The following UBE4B variants were observed in gnomAD, a reference collection of about 807,000 sequenced individuals.
UBE4B encodes the protein ubiquitin conjugation factor E4 B.
Under a neutral mutation model 148.1 loss-of-function variants are expected in UBE4B, and 27 were observed. The observed-to-expected ratio is 0.18, with a 90% CI of 0.13 to 0.25. The LOEUF (loss-of-function observed/expected upper bound fraction) is 0.25. Ranked by LOEUF, UBE4B falls within the 10% of genes least tolerant of loss-of-function variation. The probability of loss-of-function intolerance (pLI) is 1.00; values close to 1 mark genes in which losing one functional copy is unlikely to be tolerated. For missense variants in UBE4B, 1,170 were observed against 1,662.4 expected (o/e 0.70, Z 5.15); for synonymous variants, 596 against 619.3 (o/e 0.96, Z 0.56).
intron 26 of UBE4B, chr1:10,179,131 C>T (rs1646468919): frequency 8.3e-6 from 4 of 483,092 alleles, no homozygotes; most frequent in Non-Finnish European, 1.4e-5. Context: ...TTCCAGCCTG[C>T]CGTCCTCGCC....
chr1:10,090,265 G>A (rs1049438688), intron 2 of UBE4B, among the ~76,000 whole-genome samples: 3 of 152,146 alleles, frequency 2.0e-5, no homozygotes, highest in East Asian at 1.9e-4. Flanking sequence ...GACTACAGGC[G>A]CATACCATCA....
intron 2 of UBE4B, among the ~76,000 whole-genome samples, chr1:10,076,309 A>C (rs935173448): frequency 3.4e-5 from 5 of 145,278 alleles, no homozygotes; most frequent in Admixed American, 1.4e-4. Context: ...CAATGACGTG[A>C]TCTTGGCTCA....
chr1:10,135,007 C>G lies in UBE4B; in HGVS notation c.2045C>G (p.Ser682Cys), dbSNP rs1304982545. 6.2e-7 allele frequency: 1 copy of G among 1,614,060 alleles called. No homozygotes were observed. Residue 682 changes from serine to cysteine, a missense_variant, in exon 16 of 28, where the codon TCT becomes TGT. Ser to Cys is a moderately radical substitution (Grantham distance 112). Coordinates refer to ENST00000343090, the MANE Select transcript of UBE4B (RefSeq NM_001105562.3). ...AQMQTDDRLV[S>C]TDGFMLNFLW... The stretch of plus-strand genomic sequence containing the variant: ...TCACAGACAGATGATAGATTGGTGT[C>G]TACAGATGGATTTATGCTGAATTTC...
At chr1:10,050,406 C>T (rs1481731566) in intron 1 of UBE4B, among the ~76,000 whole-genome samples, 1 of 152,106 alleles carries the variant, frequency 6.6e-6, no homozygotes, top group Non-Finnish European at 1.5e-5. Context: ...TCAGGCATAG[C>T]CAAATGTGTG....
intron 1 of UBE4B, 117 bp downstream of exon 1, chr1:10,033,811 A>G (rs1643396533): frequency 1.8e-6 from 2 of 1,134,858 alleles, no homozygotes; most frequent in South Asian, 2.4e-5. Context: ...AACGGAGATG[A>G]TATTTTCCAA....
chr1:10,134,614 A>T (rs1449016348), intron 15 of UBE4B, among the ~76,000 whole-genome samples: 1 of 152,214 alleles, frequency 6.6e-6, no homozygotes, highest in Admixed American at 6.5e-5. Flanking sequence ...CTAATATAGA[A>T]TTAATGGAAT....
intron 10 of UBE4B, among the ~76,000 whole-genome samples, chr1:10,124,204 C>A (rs1157990999): frequency 6.6e-6 from 1 of 151,970 alleles, no homozygotes; most frequent in Non-Finnish European, 1.5e-5. Flanking sequence ...CTCTGTTACC[C>A]AGGCTGGAGT....
chr1:10,041,300 A>G, intron 1 of UBE4B, among the ~76,000 whole-genome samples: 1 of 83,196 alleles, frequency 1.2e-5, no homozygotes, highest in African/African-American at 1.5e-4. Context: ...CTAAAACAAG[A>G]CTTAACCTCA....
intron 25 of UBE4B, among the ~76,000 whole-genome samples, 159 bp downstream of exon 25, chr1:10,171,488 G>T (rs542892969): frequency 6.6e-6 from 1 of 152,220 alleles, no homozygotes; most frequent in Non-Finnish European, 1.5e-5. Context: ...GCTCAGGCCT[G>T]TAATCCCAAC....
intron 1 of UBE4B, among the ~76,000 whole-genome samples, chr1:10,047,561 C>T (rs1033475777): frequency 4.9e-5 from 7 of 142,956 alleles, no homozygotes; most frequent in East Asian, 2.1e-4. Flanking sequence ...GGCGTGATCT[C>T]GGCTCACCGC....
chr1:10,157,146 C>T (rs1646086602), intron 21 of UBE4B, among the ~76,000 whole-genome samples: 1 of 152,118 alleles, frequency 6.6e-6, no homozygotes, highest in African/African-American at 2.4e-5. Context: ...TCCTGAGTAG[C>T]TGGAATTATG....
chr1:10,090,793 T>TTGTGTGTGTG (rs57486350), intron 2 of UBE4B, among the ~76,000 whole-genome samples: 2,215 of 141,468 alleles, frequency 0.016, 37 homozygotes, highest in Middle Eastern at 0.049. Context: ...GCCTATGCAT[T>TTGTGTGTGTG]TGTGTGTGTG....
intron 27 of UBE4B, 100 bp from the exon 28 acceptor site, chr1:10,179,794 AG>A: frequency 6.7e-7 from 1 of 1,489,528 alleles, no homozygotes; most frequent in Admixed American, 1.8e-5. Flanking sequence ...AATGAGGGAA[AG>A]AATGGCCTTT....
In UBE4B at chr1:10,129,113, T is replaced by C. The variant is rs531866812; in HGVS notation, c.1639-279T>C. The C allele has an allele frequency of 5.6e-4, 210 of 372,308 alleles. 1 individual carries two copies. The highest frequency in any genetic ancestry group is 3.8e-3 in the African/African-American group (194 of 50,628). The allele number at this position is 372,308 out of a possible 1,614,324, so 23.1% of individuals were successfully genotyped here. A position where few individuals can be genotyped will look rare whatever the true frequency, so the allele number is the denominator to read the frequency against. ...AGTACACAAAAATATATCTGAAAAC[T>C]GTTGCTCAAAATATCAATAGAGGTT... On this transcript the variant is annotated intron_variant, in intron 11 of 27. Transcript: ENST00000343090.
rs779485676 is a variant in UBE4B, at chr1:10,135,176, G to T, written c.2214G>T (p.Leu738=). The change falls in exon 16 of 28, where the codon CTG becomes CTT. Residue 738 remains leucine (L), a synonymous_variant. Transcript: ENST00000343090. ...NATMEDVNDW[L]TELYGDQPPF... is the part of the protein sequence containing the mutation. The stretch of plus-strand genomic sequence containing the variant: ...CGATGGAAGATGTGAATGACTGGCT[G>T]ACTGAACTCTGTGAGTACTGTGTTC... 1 of 1,613,380 alleles carries T rather than the reference G, an allele frequency of 6.2e-7. No individual in the cohort carries two copies. The highest frequency in any genetic ancestry group is 8.5e-7 in the Non-Finnish European group (1 of 1,179,644).
intron 2 of UBE4B, among the ~76,000 whole-genome samples, chr1:10,089,970 C>T (rs1386576523): frequency 1.3e-5 from 2 of 152,160 alleles, no homozygotes; most frequent in African/African-American, 2.4e-5. Context: ...GCTGGGATTA[C>T]AGGCATGAGC....
In UBE4B at chr1:10,135,089, G is replaced by T. The variant is rs776093046; in HGVS notation, c.2127G>T (p.Thr709=). 6.2e-7 allele frequency: 1 copy of T among 1,614,038 alleles called. No homozygotes were observed. Among genetic ancestry groups the T allele is most frequent in the South Asian group, 1.1e-5 (1 of 91,078 alleles). ...TCAAGTTAGAAACAGTTGATCCCAC[G>T]TATATTTTTCACCCAAGATGTCGGA... ...TKIKLETVDP[T]YIFHPRCRIT... is the part of the protein sequence containing the mutation. The change falls in exon 16 of 28, where the codon ACG becomes ACT. Residue 709 remains threonine, a synonymous_variant. Transcript: ENST00000343090.
intron 1 of UBE4B, among the ~76,000 whole-genome samples, chr1:10,041,626 T>C (rs1430050818): frequency 6.6e-6 from 1 of 151,860 alleles, no homozygotes; most frequent in Non-Finnish European, 1.5e-5. Flanking sequence ...TGAACGACTG[T>C]GCCCGGCCAC....
At chr1:10,072,336 C>G in intron 2 of UBE4B, 122 bp downstream of exon 2, 4 of 1,187,420 alleles carry the variant, frequency 3.4e-6, no homozygotes, top group Non-Finnish European at 4.7e-6. Context: ...TTAAAATCCT[C>G]CAAGCAGTAG....
Sources: allele counts gnomAD v4.1 joint callset (sites outside exome capture counted in the v4.1 genomes callset), GRCh38; gene constraint gnomAD v4.1.1; transcripts MANE v1.5; gene names NCBI Gene and HGNC (gene_info 2026-07-23, HGNC 2026-07-21).